CAMTA1: variants seen among roughly 807,000 people sequenced by gnomAD.
CAMTA1 encodes calmodulin-binding transcription activator 1.
CAMTA1 carries 27 observed loss-of-function variants against 170.9 expected under a neutral mutation model. The observed-to-expected ratio is 0.16, with a 90% confidence interval of 0.12 to 0.22. CAMTA1 has a LOEUF of 0.22. CAMTA1 is among the 10% of genes least tolerant of loss of function. The probability of loss-of-function intolerance (pLI) is 1.00; values close to 1 mark genes in which losing one functional copy is unlikely to be tolerated. For synonymous variants in CAMTA1, 833 were observed against 891.5 expected (o/e 0.93, Z 1.17); for missense variants, 1,619 against 2,217.2 (o/e 0.73, Z 5.42).
chr1:7,414,484 T>G (rs1557675655), intron 5 of CAMTA1, among the ~76,000 whole-genome samples: 1 of 152,202 alleles, frequency 6.6e-6, no homozygotes, highest in East Asian at 1.9e-4. Context: ...GGTTTAGTCT[T>G]GGGAGAGTGT....
At chr1:7,666,790 G>A (rs988544431) in intron 9 of CAMTA1, among the ~76,000 whole-genome samples, 17 of 152,200 alleles carry the variant, frequency 1.1e-4, no homozygotes, top group Admixed American at 7.9e-4. Flanking sequence ...TCCCATCCCC[G>A]ATAGGAAGAG....
At chr1:7,066,939 G>T (rs1709039573) in intron 3 of CAMTA1, among the ~76,000 whole-genome samples, 1 of 152,230 alleles carries the variant, frequency 6.6e-6, no homozygotes, top group Admixed American at 6.5e-5. Flanking sequence ...GGCTTGATTA[G>T]ATCAAGGCAG....
At chr1:7,464,623 G>C (rs891057085) in intron 5 of CAMTA1, among the ~76,000 whole-genome samples, 2 of 152,118 alleles carry the variant, frequency 1.3e-5, no homozygotes, top group Middle Eastern at 6.3e-3. Context: ...GGAATCTCCT[G>C]TCCTTCACTG....
At position 7,738,316 on chromosome 1, in the gene CAMTA1, C is replaced by A. The variant is rs762255041; in HGVS notation, c.4016C>A (p.Pro1339Gln). The stretch of plus-strand genomic sequence containing the variant: ...TCTACAGTACAGGTGACTGGAAATC[C>A]GAAGGGGACCAGTGTAGGAAAGGAG... ...GVSTVQVTGNPKGTSVGKEAA... is the reference protein window; with the variant it reads ...GVSTVQVTGNQKGTSVGKEAA... The change falls in exon 16 of 23, where the codon CCG becomes CAG. Residue 1339 changes from proline to glutamine, a missense_variant. By Grantham distance (76) the Pro-to-Gln change is moderately conservative. Around this residue, in one of 8 missense-constraint regions of CAMTA1, gnomAD observed 370 missense variants for 429.4 expected, o/e 0.86. Transcript: ENST00000303635. This position sits in a 1 kb window ranked among gnomAD's most constrained non-coding sequence, Gnocchi z 4.9. The A allele has an allele frequency of 3.1e-6, 5 of 1,614,112 alleles. No individual in the cohort carries two copies. The South Asian group carries it at 5.5e-5, about 18-fold the overall frequency.
At chr1:6,954,745 C>T (rs1333243337) in intron 3 of CAMTA1, among the ~76,000 whole-genome samples, 1 of 152,170 alleles carries the variant, frequency 6.6e-6, no homozygotes, top group Non-Finnish European at 1.5e-5. Context: ...CCTGCCCCGC[C>T]GCCTGGGCAG....
At chr1:6,848,428 C>T (rs1659148547) in intron 3 of CAMTA1, among the ~76,000 whole-genome samples, 1 of 152,226 alleles carries the variant, frequency 6.6e-6, no homozygotes, top group South Asian at 2.1e-4. Flanking sequence ...GGATTACAGG[C>T]ATAAGCTACT....
In CAMTA1 at chr1:7,752,540, T is replaced by C. The variant is rs2096904322; in HGVS notation, c.4958+7T>C. ...TTCGCCGCTGTCGCCACAGGTACAC[T>C]AGTCCTTGTTTATACATTCTGCTCA... On this transcript the variant is annotated splice_region_variant and intron_variant, in intron 21 of 22. Transcript: ENST00000303635. 2 of 1,593,972 alleles carry C rather than the reference T, an allele frequency of 1.3e-6. No individual in the cohort carries two copies. The highest frequency in any genetic ancestry group is 1.7e-6 in the Non-Finnish European group (2 of 1,169,916).
intron 3 of CAMTA1, among the ~76,000 whole-genome samples, chr1:6,993,675 A>G (rs951376690): frequency 2.6e-5 from 4 of 152,176 alleles, no homozygotes; most frequent in Non-Finnish European, 5.9e-5. Context: ...AGCCATTTCC[A>G]GCCTTCTGAT....
At chr1:6,938,703 C>T (rs1006696693) in intron 3 of CAMTA1, among the ~76,000 whole-genome samples, 2 of 152,180 alleles carry the variant, frequency 1.3e-5, no homozygotes, top group Non-Finnish European at 2.9e-5. Context: ...GGCCACACAG[C>T]CTCCAGGAAG....
chr1:6,803,246 G>A (rs1557582865), intron 1 of CAMTA1, among the ~76,000 whole-genome samples: 1 of 152,216 alleles, frequency 6.6e-6, no homozygotes, highest in East Asian at 1.9e-4. Flanking sequence ...AAACATAAAA[G>A]GATGGAGATG....
At chr1:6,997,851 G>A (rs565466299) in intron 3 of CAMTA1, among the ~76,000 whole-genome samples, 8 of 151,670 alleles carry the variant, frequency 5.3e-5, no homozygotes, top group East Asian at 2.0e-4. Context: ...TAGTAGGGAC[G>A]GGGTTTCACC....
At chr1:7,392,985 C>T (rs1575088624) in intron 5 of CAMTA1, among the ~76,000 whole-genome samples, 1 of 150,480 alleles carries the variant, frequency 6.6e-6, no homozygotes, top group African/African-American at 2.5e-5. Flanking sequence ...GTCAGGAGTT[C>T]GAGGCTGCAG....
rs2150146066 is a variant in CAMTA1, at chr1:7,547,378, A to T, written c.510+79477A>T. Among the ~76,000 whole-genome samples the T allele has an allele frequency of 6.6e-6, 1 of 151,712 alleles. No individual in the cohort carries two copies. The highest frequency in any genetic ancestry group is 2.1e-4 in the East Asian group (1 of 4,834). On this transcript the variant is annotated intron_variant, in intron 6 of 22. Transcript: ENST00000303635. The surrounding 1 kb of genome is among the most constrained non-coding windows in gnomAD (Gnocchi z 5.7). ...CACACACACACACACACACACACACACACACACACACAGAGTTGGCCTTCC... is the reference window on the plus strand; with the variant it reads ...CACACACACACACACACACACACACTCACACACACACAGAGTTGGCCTTCC...
chr1:7,012,408 C>T (rs1699930497), intron 3 of CAMTA1, among the ~76,000 whole-genome samples: 1 of 152,162 alleles, frequency 6.6e-6, no homozygotes, highest in African/African-American at 2.4e-5. Flanking sequence ...TTGGTCCTGC[C>T]TCCTGGGTTT....
intron 5 of CAMTA1, among the ~76,000 whole-genome samples, chr1:7,394,882 C>CTTTTTTTTTCT (rs2089137795): frequency 7.3e-6 from 1 of 136,764 alleles, no homozygotes; most frequent in African/African-American, 2.7e-5. Flanking sequence ...CTTTTTTTTT[C>CTTTTTTTTTCT]TTTTTTTTTT....
At chr1:7,705,738 A>AATGGGG (rs1457326770) in intron 11 of CAMTA1, among the ~76,000 whole-genome samples, 1 of 152,104 alleles carries the variant, frequency 6.6e-6, no homozygotes, top group African/African-American at 2.4e-5. Context: ...GGATCGGGCG[A>AATGGGG]CGGGGGACTG....
At chr1:7,097,002 T>C (rs2148196176) in intron 4 of CAMTA1, among the ~76,000 whole-genome samples, 1 of 152,300 alleles carries the variant, frequency 6.6e-6, no homozygotes, top group South Asian at 2.1e-4. Flanking sequence ...TCTGAATATC[T>C]TTCTTGTCCC....
Position 6,965,607 on chromosome 1 carries a change from C to T in CAMTA1, c.235-125697C>T, listed in dbSNP as rs1211574134. ...GTTTCTCTAAAGGAAAAAAAATGGACGTGCCGCCTGTTAGCTAATCAACAG... is the reference window on the plus strand; with the variant it reads ...GTTTCTCTAAAGGAAAAAAAATGGATGTGCCGCCTGTTAGCTAATCAACAG... On this transcript the variant is annotated intron_variant, in intron 3 of 22. Coordinates refer to ENST00000303635, the MANE Select transcript of CAMTA1 (RefSeq NM_015215.4). The surrounding 1 kb of genome is among the most constrained non-coding windows in gnomAD (Gnocchi z 4.1). Among the ~76,000 whole-genome samples the T allele has an allele frequency of 2.0e-5, 3 of 152,056 alleles. No individual in the cohort carries two copies. Among genetic ancestry groups the T allele is most frequent in the Admixed American group, 6.6e-5 (1 of 15,258 alleles).
chr1:7,503,187 C>G (rs1020123176), intron 6 of CAMTA1, among the ~76,000 whole-genome samples: 2 of 152,172 alleles, frequency 1.3e-5, no homozygotes, highest in Admixed American at 1.3e-4. Context: ...ACCAACAGGG[C>G]CAGACGATCA....
Sources: allele counts gnomAD v4.1 joint callset (sites outside exome capture counted in the v4.1 genomes callset), GRCh38; gene constraint gnomAD v4.1.1; regional missense constraint gnomAD v4.1.1; non-coding constraint Gnocchi (gnomAD v3.1); transcripts MANE v1.5; gene names NCBI Gene and HGNC (gene_info 2026-07-23, HGNC 2026-07-21).